Variants in MOCOS observed in about 807,000 individuals in gnomAD.
MOCOS encodes the protein human molybdenum cofactor sulfurase.
A neutral mutation model predicts 83.6 loss-of-function variants in MOCOS; 86 were observed. The ratio of observed to expected loss-of-function variants is 1.03; its 90% CI spans 0.86 to 1.23. The LOEUF is 1.23. MOCOS is among the 50% of genes most tolerant of loss of function. The probability of loss-of-function intolerance (pLI) is 0.00; values close to 1 mark genes in which losing one functional copy is unlikely to be tolerated. For missense variants in MOCOS, 1,120 were observed against 1,126.9 expected (o/e 0.99, Z 0.09); for synonymous variants, 445 against 434.7 (o/e 1.02, Z -0.29).
intron 14 of MOCOS, 78 bp downstream of exon 14, chr18:36,266,931 C>A: frequency 8.2e-7 from 1 of 1,226,004 alleles, no homozygotes; most frequent in Non-Finnish European, 1.2e-6. Flanking sequence ...CATAATAGCA[C>A]AGAGTTATTT....
At chr18:36,228,373 T>C (rs1386413923) in intron 9 of MOCOS, among the ~76,000 whole-genome samples, 1 of 152,118 alleles carries the variant, frequency 6.6e-6, no homozygotes, top group Non-Finnish European at 1.5e-5. Context: ...TAAAAACACA[T>C]GCATGCATAC....
intron 8 of MOCOS, among the ~76,000 whole-genome samples, chr18:36,219,034 A>G (rs1182448902): frequency 1.3e-5 from 2 of 149,804 alleles, no homozygotes; most frequent in Admixed American, 6.7e-5. Context: ...AAGCCCGGCT[A>G]ATTTTTGTAT....
intron 9 of MOCOS, among the ~76,000 whole-genome samples, chr18:36,225,498 T>C (rs2091512158): frequency 6.6e-6 from 1 of 152,240 alleles, no homozygotes; most frequent in South Asian, 2.1e-4. Flanking sequence ...GTTCTGTTTT[T>C]CAAAAATCCA....
chr18:36,247,710 A>G (rs1249262789), intron 9 of MOCOS, among the ~76,000 whole-genome samples: 2 of 148,562 alleles, frequency 1.3e-5, no homozygotes, highest in African/African-American at 5.0e-5. Flanking sequence ...TCGGAGACCA[A>G]CTTCTCACCT....
chr18:36,194,662 C>T (rs746170966), intron 1 of MOCOS, among the ~76,000 whole-genome samples: 1 of 152,160 alleles, frequency 6.6e-6, no homozygotes, highest in Admixed American at 6.5e-5. Flanking sequence ...TCCTACCAGC[C>T]GTGTACCAGT....
At chr18:36,250,431 A>T (rs1220307449) in intron 10 of MOCOS, among the ~76,000 whole-genome samples, 1 of 152,194 alleles carries the variant, frequency 6.6e-6, no homozygotes, top group Non-Finnish European at 1.5e-5. Context: ...TAGGCAGAGG[A>T]TCACTCTGGG....
At chr18:36,209,497 C>T (rs1013437717) in intron 6 of MOCOS, among the ~76,000 whole-genome samples, 6 of 152,078 alleles carry the variant, frequency 3.9e-5, no homozygotes, top group African/African-American at 1.4e-4. Flanking sequence ...CAATCCCACC[C>T]TTCCCCCCTG....
chr18:36,247,069 T>C (rs1426163700), intron 9 of MOCOS, among the ~76,000 whole-genome samples: 1 of 152,002 alleles, frequency 6.6e-6, no homozygotes, highest in African/African-American at 2.4e-5. Context: ...CTTGGGCAAA[T>C]GGAGTTATGT....
intron 2 of MOCOS, among the ~76,000 whole-genome samples, 182 bp from the exon 3 acceptor site, chr18:36,198,508 T>C (rs992479841): frequency 6.6e-6 from 1 of 152,228 alleles, no homozygotes; most frequent in African/African-American, 2.4e-5. Flanking sequence ...AACATTCCCA[T>C]GCAAGTCTGT....
chr18:36,260,303 T>C (rs2091659151), intron 13 of MOCOS, 128 bp downstream of exon 13: 1 of 1,217,730 alleles, frequency 8.2e-7, no homozygotes, highest in Admixed American at 1.8e-5. Context: ...AAAATCTTGG[T>C]GGGAGGTTAT....
intron 6 of MOCOS, among the ~76,000 whole-genome samples, chr18:36,206,047 T>C (rs1004249716): frequency 6.6e-6 from 1 of 151,138 alleles, no homozygotes; most frequent in African/African-American, 2.4e-5. Context: ...GCCCACATTT[T>C]GTTTTTAACA....
chr18:36,261,670 G>C (rs2091663792), intron 13 of MOCOS, among the ~76,000 whole-genome samples: 1 of 152,144 alleles, frequency 6.6e-6, no homozygotes, highest in African/African-American at 2.4e-5. Flanking sequence ...CTCTTACCCT[G>C]ACAGTGGCTC....
chr18:36,231,418 A>G (rs2091537219), intron 9 of MOCOS, among the ~76,000 whole-genome samples: 1 of 152,218 alleles, frequency 6.6e-6, no homozygotes, highest in Admixed American at 6.5e-5. Flanking sequence ...CCAGGATATT[A>G]ACATACATTA....
At position 36,242,674 on chromosome 18, in the gene MOCOS, A is replaced by G. The variant is rs1313635639; in HGVS notation, c.1961-6248A>G. ...CTGGAGAGGCCTCAAGAAACTTACA[A>G]TCATGGTGGAAGGTGAAGGGGAAGC... is the stretch of plus-strand genomic sequence containing the variant. On this transcript the variant is annotated intron_variant, in intron 9 of 14. Coordinates refer to ENST00000261326, the MANE Select transcript of MOCOS (RefSeq NM_017947.4). 4.6e-5 allele frequency among the ~76,000 whole-genome samples: 7 copies of G among 152,326 alleles called. No homozygotes were observed. In the South Asian group the frequency reaches 8.3e-4, roughly 18 times the overall value.
intron 11 of MOCOS, among the ~76,000 whole-genome samples, chr18:36,254,204 G>A (rs768465211): frequency 9.2e-5 from 14 of 152,050 alleles, no homozygotes; most frequent in East Asian, 1.9e-4. Flanking sequence ...TTTTGAGTTG[G>A]TATACCTTAG....
chr18:36,197,698 A>C (rs139241205), intron 2 of MOCOS, among the ~76,000 whole-genome samples: 2 of 152,274 alleles, frequency 1.3e-5, no homozygotes, highest in Non-Finnish European at 2.9e-5. Flanking sequence ...CCTTGAGCCC[A>C]GGAATTCAAG....
At chr18:36,194,342 A>G (rs561666774) in intron 1 of MOCOS, among the ~76,000 whole-genome samples, 1 of 152,336 alleles carries the variant, frequency 6.6e-6, no homozygotes, top group South Asian at 2.1e-4. Flanking sequence ...TTGATAAGTG[A>G]ATGAATGGAT....
At chr18:36,263,320 G>C (rs1219209913) in intron 13 of MOCOS, among the ~76,000 whole-genome samples, 1 of 152,178 alleles carries the variant, frequency 6.6e-6, no homozygotes, top group African/African-American at 2.4e-5. Flanking sequence ...ATGTGAATTA[G>C]GCCTTTATTG....
At chr18:36,203,273 G>A in intron 5 of MOCOS, 84 bp downstream of exon 5, 1 of 1,316,062 alleles carries the variant, frequency 7.6e-7, no homozygotes, top group Non-Finnish European at 1.1e-6. Context: ...TCAGGTAAAG[G>A]AGACAGAGTC....
Sources: allele counts gnomAD v4.1 joint callset (sites outside exome capture counted in the v4.1 genomes callset), GRCh38; gene constraint gnomAD v4.1.1; transcripts MANE v1.5; gene names NCBI Gene and HGNC (gene_info 2026-07-23, HGNC 2026-07-21).